NAALADL2: variants seen among roughly 807,000 people sequenced by gnomAD.
NAALADL2 encodes the protein N-acetylated alpha-linked acidic dipeptidase like 2.
In NAALADL2, 76 loss-of-function variants were observed where a neutral mutation model predicts 87.2. That is an observed-to-expected ratio of 0.87 (90% CI 0.72 to 1.05). The LOEUF (loss-of-function observed/expected upper bound fraction) is 1.05, where lower values mean the gene tolerates loss of function less well. NAALADL2 is among the 50% of genes least tolerant of loss of function. The pLI, the probability that NAALADL2 is intolerant of heterozygous loss-of-function variation, is 0.00. For synonymous variants in NAALADL2, 354 were observed against 331.0 expected (o/e 1.07, Z -0.75); for missense variants, 1,089 against 945.8 (o/e 1.15, Z -1.99).
At chr3:175,431,667 AG>A (rs1367246233) in intron 5 of NAALADL2, among the ~76,000 whole-genome samples, 6 of 152,142 alleles carry the variant, frequency 3.9e-5, no homozygotes, top group Admixed American at 6.6e-5. Context: ...GAAAGTCAAA[AG>A]TTCTTTGTAT....
At chr3:175,013,119 T>TATGTAATACATATTTATATATAATGTA in intron 1 of NAALADL2, among the ~76,000 whole-genome samples, 1 of 23,590 alleles carries the variant, frequency 4.2e-5, no homozygotes, top group East Asian at 1.2e-3. Context: ...TATATATAAA[T>TATGTAATACATATTTATATATAATGTA]ATACATATTT....
intron 13 of NAALADL2, among the ~76,000 whole-genome samples, chr3:175,782,111 G>C (rs1411889896): frequency 1.3e-5 from 2 of 150,526 alleles, no homozygotes; most frequent in Non-Finnish European, 3.0e-5. Flanking sequence ...CTCATTGTTG[G>C]ACATTTGGGT....
chr3:175,181,585 G>A (rs1428457879), intron 2 of NAALADL2, among the ~76,000 whole-genome samples: 2 of 149,746 alleles, frequency 1.3e-5, no homozygotes, highest in African/African-American at 4.9e-5. Flanking sequence ...TCTGTACCTG[G>A]CTTATTTCAG....
At chr3:175,274,827 T>A (rs1021134348) in intron 4 of NAALADL2, among the ~76,000 whole-genome samples, 4 of 152,216 alleles carry the variant, frequency 2.6e-5, no homozygotes, top group African/African-American at 9.6e-5. Context: ...GGGCCCATAT[T>A]TTTTACATAT....
At chr3:174,487,350 T>G (rs1717917855) in intron 1 of NAALADL2, among the ~76,000 whole-genome samples, 1 of 152,018 alleles carries the variant, frequency 6.6e-6, no homozygotes, top group Non-Finnish European at 1.5e-5. Context: ...ATAATTTAGT[T>G]CAATAATTAT....
At chr3:175,446,827 C>T (rs1302905045) in intron 5 of NAALADL2, among the ~76,000 whole-genome samples, 1 of 152,168 alleles carries the variant, frequency 6.6e-6, no homozygotes, top group African/African-American at 2.4e-5. Context: ...CTACTAAGAA[C>T]TTAGGTTTTA....
intron 2 of NAALADL2, among the ~76,000 whole-genome samples, chr3:174,674,957 G>A (rs139599639): frequency 6.6e-6 from 1 of 152,010 alleles, no homozygotes; most frequent in Non-Finnish European, 1.5e-5. Flanking sequence ...ATAAGAAAAT[G>A]TTTCTCACCT....
intron 3 of NAALADL2, among the ~76,000 whole-genome samples, chr3:174,777,295 G>T (rs1298976069): frequency 6.6e-6 from 1 of 151,972 alleles, no homozygotes; most frequent in African/African-American, 2.4e-5. Context: ...ACCACCTTTT[G>T]CCACCAAGTG....
intron 3 of NAALADL2, among the ~76,000 whole-genome samples, chr3:174,782,828 G>T (rs1442329754): frequency 6.6e-6 from 1 of 152,046 alleles, no homozygotes; most frequent in Non-Finnish European, 1.5e-5. Flanking sequence ...GAACAGCATG[G>T]AGGTAACCGC....
chr3:174,750,400 ATTC>A (rs147238623), intron 3 of NAALADL2, among the ~76,000 whole-genome samples: 48 of 151,404 alleles, frequency 3.2e-4, no homozygotes, highest in African/African-American at 1.0e-3. Context: ...TTTCATTTCC[ATTC>A]TTCTTCTTCT....
At chr3:175,336,417 A>G (rs780718761) in intron 5 of NAALADL2, among the ~76,000 whole-genome samples, 11 of 152,182 alleles carry the variant, frequency 7.2e-5, no homozygotes, top group Non-Finnish European at 1.5e-4. Flanking sequence ...TGCTGGCATG[A>G]AATATCTGGC....
chr3:175,658,101 A>G (rs1241389294), intron 11 of NAALADL2, among the ~76,000 whole-genome samples: 3 of 152,240 alleles, frequency 2.0e-5, no homozygotes, highest in Non-Finnish European at 4.4e-5. Flanking sequence ...TAATCATTTC[A>G]TTATTCTAGA....
intron 2 of NAALADL2, among the ~76,000 whole-genome samples, chr3:175,177,770 T>C (rs1365766535): frequency 6.6e-6 from 1 of 152,016 alleles, no homozygotes; most frequent in Non-Finnish European, 1.5e-5. Flanking sequence ...TACTCTGTCC[T>C]CATTGACTAC....
intron 4 of NAALADL2, among the ~76,000 whole-genome samples, chr3:175,313,610 G>A (rs1458021075): frequency 2.6e-5 from 4 of 152,166 alleles, no homozygotes; most frequent in Admixed American, 6.5e-5. Flanking sequence ...GTGAATGGAC[G>A]AAATCCTACC....
intron 10 of NAALADL2, among the ~76,000 whole-genome samples, chr3:175,595,820 A>T (rs1462469076): frequency 2.6e-5 from 4 of 151,958 alleles, no homozygotes; most frequent in African/African-American, 9.7e-5. Flanking sequence ...CTGCCCCCAA[A>T]CAATTTATAG....
chr3:175,391,882 A>G (rs758880442), intron 5 of NAALADL2, among the ~76,000 whole-genome samples: 6 of 152,134 alleles, frequency 3.9e-5, no homozygotes, highest in Non-Finnish European at 8.8e-5. Flanking sequence ...CTCAGATTAC[A>G]CTTTGAATAA....
At chr3:175,467,220 T>C (rs749607485) in intron 8 of NAALADL2, 36 bp downstream of exon 8, 1 of 1,545,496 alleles carries the variant, frequency 6.5e-7, no homozygotes. Flanking sequence ...AGTGCTTTTC[T>C]TTTCTTAGTT....
rs547888262 is a variant in NAALADL2, at chr3:175,716,246, TATATA to T, written c.1897-21054_1897-21050del. On this transcript the variant is annotated intron_variant, in intron 11 of 13. Coordinates refer to ENST00000454872, the MANE Select transcript of NAALADL2 (RefSeq NM_207015.3). ...ATATAATATATAATATTGGAATACA[TATATA>T]ATATATGTATATAATATATATAATA... 2.3e-4 allele frequency among the ~76,000 whole-genome samples: 33 copies of T among 144,042 alleles called. 1 individual carries two copies. In the South Asian group the frequency reaches 3.2e-3, roughly 14 times the overall value. The allele number at this position is 144,042 out of a possible 152,430, so 94.5% of individuals were successfully genotyped here.
At position 175,805,859 on chromosome 3, in the gene NAALADL2, G is replaced by A. The variant is rs1175411526; in HGVS notation, c.*2656G>A. 6.6e-6 allele frequency: 1 copy of A among 151,874 alleles called. No individual in the cohort carries two copies. Among genetic ancestry groups the A allele is most frequent in the African/African-American group, 2.4e-5 (1 of 41,386 alleles). 9.4% of individuals were successfully genotyped at this position (151,874 alleles called of 1,614,324 possible). A position where few individuals can be genotyped will look rare whatever the true frequency, so the allele number is the denominator to read the frequency against. ...CCTTTATGGAAAAGCATAAGTCTCA[G>A]AATCAAAAGAAAGCCTAATAAAGAT... On this transcript the variant is annotated 3_prime_UTR_variant, in exon 14 of 14. Transcript: ENST00000454872.
Sources: gnomAD v4.1 joint callset for allele counts (sites outside exome capture counted in the v4.1 genomes callset) on GRCh38, gnomAD v4.1.1 for gene constraint, MANE v1.5 for transcripts, NCBI Gene and HGNC (gene_info 2026-07-23, HGNC 2026-07-21) for gene names.